EP400: variants seen among roughly 807,000 people sequenced by gnomAD.
The protein encoded by EP400 is E1A binding protein p400.
A neutral mutation model predicts 354.1 loss-of-function variants in EP400; 105 were observed. The ratio of observed to expected loss-of-function variants is 0.30; its 90% CI spans 0.25 to 0.35. The LOEUF is 0.35. Among genes scored for constraint, EP400 ranks in the 10% least tolerant of loss-of-function variants. EP400 has a pLI of 1.00. For synonymous variants in EP400, 1,646 were observed against 1,716.9 expected, an observed-to-expected ratio of 0.96 and a Z score of 1.02; for missense variants, 3,280 against 4,121.0, an observed-to-expected ratio of 0.80 and a Z score of 5.59.
intron 5 of EP400, among the ~76,000 whole-genome samples, chr12:131,985,567 C>T (rs1320834101): frequency 1.3e-5 from 2 of 152,208 alleles, no homozygotes; most frequent in Non-Finnish European, 2.9e-5. Context: ...CGCAGCAGTT[C>T]TCTGTGACTT....
chr12:131,970,347 T>C (rs950087981), intron 2 of EP400, among the ~76,000 whole-genome samples: 6 of 151,988 alleles, frequency 3.9e-5, no homozygotes, highest in African/African-American at 1.4e-4. Flanking sequence ...AGCTGTAGGA[T>C]TCTCATCTGC....
Position 132,043,458 on chromosome 12 carries a change from A to G in EP400, c.6362A>G (p.Glu2121Gly). The change falls in exon 33 of 53, where the codon GAG becomes GGG. Residue 2121 changes from glutamate (E) to glycine (G), a missense_variant. By Grantham distance (98) the Glu-to-Gly change is moderately conservative (BLOSUM62 -2). Coordinates refer to ENST00000389561, the MANE Select transcript of EP400 (RefSeq NM_015409.5). ...SQLEELADFMEQLTPIEKYAL... is the reference protein window; with the variant it reads ...SQLEELADFMGQLTPIEKYAL... The stretch of plus-strand genomic sequence containing the variant: ...TTAGAGGAGCTAGCTGACTTCATGG[A>G]GCAGGTTTGGGCATGTTTTCCTTTA... 6.2e-7 allele frequency: 1 copy of G among 1,612,608 alleles called. No homozygotes were observed.
rs1225744218 is a variant in EP400, at chr12:132,079,767, G to A, written c.*2094G>A. The A allele has an allele frequency of 6.6e-6, 1 of 152,244 alleles. No homozygotes were observed. The highest frequency in any genetic ancestry group is 1.5e-5 in the Non-Finnish European group (1 of 68,038). 9.4% of individuals were successfully genotyped at this position (152,244 alleles called of 1,614,324 possible). A position where few individuals can be genotyped will look rare whatever the true frequency, so the allele number is the denominator to read the frequency against. On this transcript the variant is annotated 3_prime_UTR_variant, in exon 53 of 53. Transcript: ENST00000389561. ...GATCTCACGTCAGTGAGGGTCTCCT[G>A]TCTCTCAAGTGTGTTTCCTTTGGCT...
chr12:132,073,459 C>CTTTTTTTTTTTTTTT (rs58724167), intron 51 of EP400, among the ~76,000 whole-genome samples: 1,984 of 117,476 alleles, frequency 0.017, 356 homozygotes, highest in African/African-American at 0.084. Flanking sequence ...GTCCCTTTTC[C>CTTTTTTTTTTTTTTT]TTTTTTTTTT....
In EP400 at chr12:132,023,895, C is replaced by T. The variant is rs1294898369; in HGVS notation, c.4809C>T (p.His1603=). The T allele has an allele frequency of 1.2e-6, 2 of 1,612,428 alleles. No homozygotes were observed. The highest frequency in any genetic ancestry group is 1.7e-6 in the Non-Finnish European group (2 of 1,179,464). ...AGGGCAGCAAGTTCACCCTGTCACA[C>T]AGCCAGCTCCGGCAGCTCACAGCGG... The part of the protein sequence containing the change: ...QFQGSKFTLS[H]SQLRQLTAGQ... Residue 1603 remains histidine, a synonymous_variant, in exon 24 of 53, where the codon CAC becomes CAT. Transcript: ENST00000389561.
In EP400 at chr12:132,077,292, C is replaced by T. The variant is rs1425419907; in HGVS notation, c.9100-109C>T. On this transcript the variant is annotated intron_variant, in intron 52 of 52. Transcript: ENST00000389561. ...TGGTCATTCTTCCGTGTCATAAAAG[C>T]ATAGTCAGTGAAGTTTCTCGAGTCC... 19 of 1,363,038 alleles carry T rather than the reference C, an allele frequency of 1.4e-5. No homozygotes were observed. The Admixed American group carries it at 4.0e-4, about 29-fold the overall frequency. 84.4% of individuals were successfully genotyped at this position (1,363,038 alleles called of 1,614,324 possible). A position where few individuals can be genotyped will look rare whatever the true frequency, so the allele number is the denominator to read the frequency against.
At chr12:132,063,965 C>T (rs547643971) in intron 47 of EP400, among the ~76,000 whole-genome samples, 38 of 150,934 alleles carry the variant, frequency 2.5e-4, no homozygotes, top group Admixed American at 2.4e-3. Context: ...CGGGCTTTGA[C>T]CCCCCCGGCC....
Position 131,961,556 on chromosome 12 carries a change from A to T in EP400, c.937A>T (p.Met313Leu). Residue 313 changes from methionine (M) to leucine (L), a missense_variant, in exon 2 of 53, where the codon ATG becomes TTG. Met to Leu is a conservative substitution (Grantham distance 15). This residue lies in a region of EP400 where 85 missense variants were observed against 180.3 expected (regional missense o/e 0.47). Coordinates refer to ENST00000389561, the MANE Select transcript of EP400 (RefSeq NM_015409.5). ...PGAGGAAGFG[M>L]TSPPPPTSPS... ...GGCTGGGGGCGCAGCGGGGTTTGGGATGACGTCCCCACCCCCGCCCACCAG... is the reference window on the plus strand; with the variant it reads ...GGCTGGGGGCGCAGCGGGGTTTGGGTTGACGTCCCCACCCCCGCCCACCAG... The T allele has an allele frequency of 1.2e-5, 18 of 1,555,350 alleles. No individual in the cohort carries two copies. The highest frequency in any genetic ancestry group is 1.5e-5 in the Non-Finnish European group (17 of 1,148,078).
chr12:132,060,636 G>A (rs1895660886), intron 45 of EP400, among the ~76,000 whole-genome samples: 1 of 152,168 alleles, frequency 6.6e-6, no homozygotes, highest in Admixed American at 6.5e-5. Context: ...GAACAAGGGA[G>A]GCCGGGTGTG....
At chr12:131,964,611 A>G (rs1453337955) in intron 2 of EP400, among the ~76,000 whole-genome samples, 1 of 152,240 alleles carries the variant, frequency 6.6e-6, no homozygotes, top group Non-Finnish European at 1.5e-5. Flanking sequence ...TCAAATGTAC[A>G]TAATAGTTGC....
At chr12:132,008,712 G>A (rs944417897) in intron 15 of EP400, among the ~76,000 whole-genome samples, 9 of 151,262 alleles carry the variant, frequency 5.9e-5, no homozygotes, top group Non-Finnish European at 1.2e-4. Flanking sequence ...TGGGCAGGAG[G>A]ATCAAGGCGA....
chr12:132,008,957 A>G (rs1893675697), intron 15 of EP400, among the ~76,000 whole-genome samples: 1 of 105,666 alleles, frequency 9.5e-6, no homozygotes, highest in Non-Finnish European at 1.8e-5. Context: ...GCTGTTGCCC[A>G]GGTTGGAGTG....
intron 1 of EP400, among the ~76,000 whole-genome samples, chr12:131,951,210 T>G (rs1891476136): frequency 6.7e-6 from 1 of 149,926 alleles, no homozygotes; most frequent in Admixed American, 6.7e-5. Context: ...TCACCGCGCC[T>G]GGCCAGTTTT....
rs1894764527 is a variant in EP400 at position 132,037,744 on chromosome 12, G to A, written c.6014G>A (p.Arg2005Gln). 5 of 1,614,222 alleles carry A rather than the reference G, an allele frequency of 3.1e-6. No individual in the cohort carries two copies. The highest frequency in any genetic ancestry group is 1.7e-5 in the Admixed American group (1 of 60,034). The change falls in exon 31 of 53, where the codon CGA becomes CAA. Residue 2005 changes from arginine (R) to glutamine (Q), a missense_variant. Arg to Gln is a conservative substitution (Grantham distance 43, BLOSUM62 1). Transcript: ENST00000389561. Reference sequence around the variant, plus strand: ...AAAAATGGAACTAAAGATCTGATCCGAGAAGTGGCTGCTCAGGGAAATGAC... The same window carrying A: ...AAAAATGGAACTAAAGATCTGATCCAAGAAGTGGCTGCTCAGGGAAATGAC... ...LLKNGTKDLI[R>Q]EVAAQGNDYS...
chr12:132,026,778 G>T lies in EP400; in HGVS notation c.5015-659G>T, dbSNP rs1202326903. ...CAAGTGCTGAGTTCTGACAACCTCA[G>T]CCTCTCCTCTTGTTTTTCCCTAAGG... On this transcript the variant is annotated intron_variant, in intron 25 of 52. Coordinates refer to ENST00000389561, the MANE Select transcript of EP400 (RefSeq NM_015409.5). Among the ~76,000 whole-genome samples the T allele has an allele frequency of 3.3e-5, 5 of 152,256 alleles. No homozygotes were observed. The East Asian group carries it at 9.7e-4, about 29-fold the overall frequency.
intron 12 of EP400, among the ~76,000 whole-genome samples, chr12:132,004,563 T>G (rs919263629): frequency 6.6e-6 from 1 of 152,236 alleles, no homozygotes; most frequent in Non-Finnish European, 1.5e-5. Flanking sequence ...TTTTACATTT[T>G]TATTTATTAG....
intron 2 of EP400, among the ~76,000 whole-genome samples, chr12:131,968,572 A>G (rs1223368207): frequency 6.6e-6 from 1 of 152,084 alleles, no homozygotes; most frequent in Non-Finnish European, 1.5e-5. Flanking sequence ...CCCTTTTTGT[A>G]TACATTTTAG....
rs117023015 is a variant in EP400, at chr12:131,960,876, A to G, written c.257A>G (p.Asn86Ser). 16,129 of 1,613,924 alleles carry G rather than the reference A, an allele frequency of 1.0e-2. 92 individuals are homozygous for G. The highest frequency in any genetic ancestry group is 0.012 in the Non-Finnish European group (14,537 of 1,180,004). The change falls in exon 2 of 53, where the codon AAC (asparagine) becomes AGC (serine). Residue 86 changes from asparagine to serine, a missense_variant. Coordinates refer to ENST00000389561, the MANE Select transcript of EP400 (RefSeq NM_015409.5). ...LQSVGPVVGG[N>S]QQITLAPLPL... ...AGCGTGGGCCCTGTCGTCGGGGGAA[A>G]CCAGCAGATCACACTGGCCCCACTG...
At chr12:131,953,460 G>A (rs1891589613) in intron 1 of EP400, among the ~76,000 whole-genome samples, 1 of 152,178 alleles carries the variant, frequency 6.6e-6, no homozygotes, top group Non-Finnish European at 1.5e-5. Flanking sequence ...TGGAATTGTA[G>A]CCTGTTAAAT....
Sources: gnomAD v4.1 joint callset for allele counts (sites outside exome capture counted in the v4.1 genomes callset) on GRCh38, gnomAD v4.1.1 for gene constraint, gnomAD v4.1.1 regional missense constraint, MANE v1.5 for transcripts, NCBI Gene and HGNC (gene_info 2026-07-23, HGNC 2026-07-21) for gene names.